C5: variants seen among roughly 807,000 people sequenced by gnomAD.
C5 encodes the protein C3 and PZP-like alpha-2-macroglobulin domain-containing protein 4.
A neutral mutation model predicts 218.8 loss-of-function variants in C5; 140 were observed. The observed-to-expected ratio is 0.64, with a 90% CI of 0.56 to 0.74. The LOEUF is 0.74. Among genes scored for constraint, C5 ranks in the 30% least tolerant of loss-of-function variants. The probability of loss-of-function intolerance (pLI) is 0.00; values close to 1 mark genes in which losing one functional copy is unlikely to be tolerated. For synonymous variants in C5, 614 were observed against 682.3 expected (o/e 0.90, Z 1.56); for missense variants, 1,700 against 1,969.6 (o/e 0.86, Z 2.59).
At chr9:120,979,216 T>C (rs1301995154) in intron 28 of C5, among the ~76,000 whole-genome samples, 2 of 152,224 alleles carry the variant, frequency 1.3e-5, no homozygotes, top group Non-Finnish European at 2.9e-5. Flanking sequence ...CATTTGCACG[T>C]GCTGTTCTCC....
intron 33 of C5, among the ~76,000 whole-genome samples, chr9:120,965,440 A>C (rs184728979): frequency 2.3e-3 from 352 of 152,196 alleles, no homozygotes; most frequent in African/African-American, 8.2e-3. Flanking sequence ...GAATGGCTTG[A>C]GGCTGGGAGG....
intron 22 of C5, among the ~76,000 whole-genome samples, chr9:120,995,675 A>G (rs1007441265): frequency 4.6e-5 from 7 of 152,118 alleles, no homozygotes; most frequent in African/African-American, 2.4e-5. Flanking sequence ...AATGAATAAT[A>G]TATGAGGGAA....
At chr9:121,048,251 G>A (rs543174140) in intron 1 of C5, among the ~76,000 whole-genome samples, 1 of 152,182 alleles carries the variant, frequency 6.6e-6, no homozygotes, top group East Asian at 1.9e-4. Flanking sequence ...TATGGTAGGG[G>A]TCCCCAACCC....
At chr9:121,008,106 A>C (rs2047230714) in intron 18 of C5, among the ~76,000 whole-genome samples, 1 of 152,236 alleles carries the variant, frequency 6.6e-6, no homozygotes, top group South Asian at 2.1e-4. Context: ...TTAGGATAAA[A>C]ATAGTGGCTT....
At chr9:120,999,751 C>A in intron 20 of C5, 8 of 267,720 alleles carry the variant, frequency 3.0e-5, no homozygotes, top group South Asian at 6.5e-5. Flanking sequence ...AAAGTGTAAC[C>A]CACACTCAGG....
At chr9:121,039,889 G>C (rs751560396) in intron 3 of C5, among the ~76,000 whole-genome samples, 1 of 151,970 alleles carries the variant, frequency 6.6e-6, no homozygotes, top group African/African-American at 2.4e-5. Flanking sequence ...CGCCTGCCTC[G>C]GCCTCCCAAA....
At chr9:121,013,790 T>G (rs1248447603) in intron 17 of C5, 83 bp downstream of exon 17, 1 of 1,200,604 alleles carries the variant, frequency 8.3e-7, no homozygotes. Flanking sequence ...AAATAGATCA[T>G]GAAAACTGCC....
chr9:120,992,995 G>A (rs983025046), intron 22 of C5, among the ~76,000 whole-genome samples: 3 of 152,110 alleles, frequency 2.0e-5, no homozygotes, highest in South Asian at 2.1e-4. Flanking sequence ...ATTTAAAAAC[G>A]TGCAAAAGAT....
rs753568425 is a variant in C5 at position 121,016,364 on chromosome 9, T to G, written c.1886A>C (p.Lys629Thr). 1.7e-5 allele frequency: 27 copies of G among 1,614,070 alleles called. No individual in the cohort carries two copies. Among genetic ancestry groups the G allele is most frequent in the Non-Finnish European group, 2.3e-5 (27 of 1,179,918 alleles). The change falls in exon 15 of 41, where the codon AAG becomes ACG. Residue 629 changes from lysine (K) to threonine (T), a missense_variant. Coordinates refer to ENST00000223642, the MANE Select transcript of C5 (RefSeq NM_001735.3). The part of the protein sequence containing the change: ...PLERVFQFLE[K>T]SDLGCGAGGG... ...ACCTGCCCCACAGCCCAGATCACTC[T>G]TCTCTAAGAATTGAAATACCTGTCC...
chr9:121,021,782 C>A, intron 10 of C5, 88 bp from the exon 11 acceptor site: 3 of 1,162,940 alleles, frequency 2.6e-6, no homozygotes, highest in Non-Finnish European at 3.9e-6. Context: ...TCCTCCCCAC[C>A]AAAGTATAAA....
At chr9:121,062,063 T>C in the C5 span, among the ~76,000 whole-genome samples, 1 of 118,720 alleles carries the variant, frequency 8.4e-6, no homozygotes, top group Non-Finnish European at 1.7e-5. Flanking sequence ...GTTGTTGTTG[T>C]TTTTCTTTTT....
intron 33 of C5, among the ~76,000 whole-genome samples, chr9:120,965,046 G>A (rs1303590188): frequency 6.6e-6 from 1 of 152,170 alleles, no homozygotes; most frequent in African/African-American, 2.4e-5. Context: ...GCAGCTGGAT[G>A]TTTGAGAGTG....
At chr9:121,041,916 T>C (rs1022469050) in intron 3 of C5, among the ~76,000 whole-genome samples, 2 of 152,210 alleles carry the variant, frequency 1.3e-5, no homozygotes, top group African/African-American at 4.8e-5. Flanking sequence ...CCTTTAGGCT[T>C]TTCCTTTCTG....
intron 3 of C5, among the ~76,000 whole-genome samples, chr9:121,042,720 T>A (rs939257137): frequency 3.9e-5 from 6 of 152,224 alleles, no homozygotes; most frequent in African/African-American, 1.4e-4. Flanking sequence ...TACATAACAT[T>A]CAACATTTTA....
At chr9:120,990,504 T>C (rs1252126851) in intron 23 of C5, among the ~76,000 whole-genome samples, 1 of 152,138 alleles carries the variant, frequency 6.6e-6, no homozygotes, top group Non-Finnish European at 1.5e-5. Flanking sequence ...TGAGAGGTGA[T>C]TAGGTTATGA....
At chr9:121,028,382 G>C (rs2047443488) in intron 7 of C5, among the ~76,000 whole-genome samples, 1 of 152,158 alleles carries the variant, frequency 6.6e-6, no homozygotes, top group African/African-American at 2.4e-5. Flanking sequence ...CTGCTATAAA[G>C]ACACATGCAC....
chr9:120,956,554 A>G (rs1411885302), intron 39 of C5, among the ~76,000 whole-genome samples: 2 of 152,236 alleles, frequency 1.3e-5, no homozygotes, highest in Non-Finnish European at 2.9e-5. Context: ...TTAGAAAAAA[A>G]CATTTTAATA....
chr9:120,990,697 C>G (rs1045759107), intron 23 of C5, among the ~76,000 whole-genome samples: 1 of 152,198 alleles, frequency 6.6e-6, no homozygotes, highest in African/African-American at 2.4e-5. Context: ...TGATCTTGGA[C>G]TTCCCAGCCT....
intron 22 of C5, among the ~76,000 whole-genome samples, chr9:120,992,728 A>C (rs1236322570): frequency 6.6e-6 from 1 of 152,248 alleles, no homozygotes; most frequent in Non-Finnish European, 1.5e-5. Flanking sequence ...GGTTCCAGAC[A>C]GATTAAAACA....
Sources: gnomAD v4.1 joint callset for allele counts (sites outside exome capture counted in the v4.1 genomes callset) on GRCh38, gnomAD v4.1.1 for gene constraint, MANE v1.5 for transcripts, NCBI Gene and HGNC (gene_info 2026-07-23, HGNC 2026-07-21) for gene names.